Variants in SFMBT2 observed in about 807,000 individuals in gnomAD.
SFMBT2 encodes Scm like with four mbt domains 2, also known as scm-like with four MBT domains protein 2.
Under a neutral mutation model 110.1 loss-of-function variants are expected in SFMBT2, and 38 were observed. The ratio of observed to expected loss-of-function variants is 0.35; its 90% CI spans 0.27 to 0.45. SFMBT2 has a LOEUF of 0.45. SFMBT2 is among the 20% of genes least tolerant of loss of function. The probability of loss-of-function intolerance (pLI) is 1.00; values close to 1 mark genes in which losing one functional copy is unlikely to be tolerated. For missense variants in SFMBT2, 1,011 were observed against 1,094.9 expected (o/e 0.92, Z 1.08); for synonymous variants, 425 against 425.4 (o/e 1.00, Z 0.01).
intron 11 of SFMBT2, chr10:7,207,064 A>T: frequency 4.1e-6 from 1 of 241,870 alleles, no homozygotes; most frequent in Non-Finnish European, 6.7e-6. Flanking sequence ...CATCTCTACA[A>T]AAAATACAAA....
At chr10:7,393,188 A>C (rs1845829406) in intron 1 of SFMBT2, among the ~76,000 whole-genome samples, 6 of 151,236 alleles carry the variant, frequency 4.0e-5, no homozygotes, top group Admixed American at 4.0e-4. Flanking sequence ...ATGTAACCAC[A>C]CCTGGCTAAT....
chr10:7,396,896 G>A (rs1271571972), intron 1 of SFMBT2, among the ~76,000 whole-genome samples: 11 of 139,208 alleles, frequency 7.9e-5, no homozygotes, highest in South Asian at 2.5e-4. Context: ...GGGGCCTGTC[G>A]TGGGGTGGGG....
At chr10:7,259,129 C>T (rs149280928) in intron 7 of SFMBT2, among the ~76,000 whole-genome samples, 10 of 152,300 alleles carry the variant, frequency 6.6e-5, no homozygotes, top group East Asian at 5.8e-4. Flanking sequence ...GGAAACATGA[C>T]GCCAGCATGC....
At chr10:7,274,873 G>T (rs1841719215) in intron 7 of SFMBT2, among the ~76,000 whole-genome samples, 1 of 151,832 alleles carries the variant, frequency 6.6e-6, no homozygotes, top group Non-Finnish European at 1.5e-5. Flanking sequence ...AAAAAAATTA[G>T]CTCACGACTT....
chr10:7,309,894 AAGCCCAGAGATGGCTCCAG>A (rs1300975162), intron 4 of SFMBT2, among the ~76,000 whole-genome samples: 2 of 152,206 alleles, frequency 1.3e-5, no homozygotes, highest in Non-Finnish European at 2.9e-5. Context: ...TGCCCTTAGT[AAGCCCAGAGATGGCTCCAG>A]TCTAGACCAG....
In SFMBT2 at chr10:7,408,569, C is replaced by T. The variant is rs948764849; in HGVS notation, c.-52+2292G>A. 6.6e-6 allele frequency among the ~76,000 whole-genome samples: 1 copy of T among 152,134 alleles called. No homozygotes were observed. The highest frequency in any genetic ancestry group is 1.5e-5 in the Non-Finnish European group (1 of 67,984). On this transcript the variant is annotated intron_variant, in intron 1 of 20. Coordinates refer to ENST00000397167, the MANE Select transcript of SFMBT2 (RefSeq NM_001387889.1). This position sits in a 1 kb window ranked among gnomAD's most constrained non-coding sequence, Gnocchi z 5.7. ...GGTCCTCCCACCTGCCCCCGCCAGC[C>T]CCGGGGACCGTGCGCGGCCTCCGTG...
At chr10:7,331,207 C>G (rs772480275) in intron 4 of SFMBT2, among the ~76,000 whole-genome samples, 7 of 152,194 alleles carry the variant, frequency 4.6e-5, no homozygotes, top group Non-Finnish European at 8.8e-5. Flanking sequence ...TCAGAATTCC[C>G]CCATAGGCTA....
intron 4 of SFMBT2, among the ~76,000 whole-genome samples, chr10:7,300,559 C>T (rs767299951): frequency 2.6e-5 from 4 of 152,204 alleles, no homozygotes; most frequent in Non-Finnish European, 5.9e-5. Context: ...CAACCCCTGC[C>T]CACCCAGCCC....
rs925906170 is a variant in SFMBT2, at chr10:7,301,606, C to T, written c.437-15652G>A. Among the ~76,000 whole-genome samples, 4 of 152,168 alleles carry T rather than the reference C, an allele frequency of 2.6e-5. No individual in the cohort carries two copies. Among genetic ancestry groups the T allele is most frequent in the Admixed American group, 1.3e-4 (2 of 15,284 alleles). On this transcript the variant is annotated intron_variant, in intron 4 of 20. Transcript: ENST00000397167. The surrounding 1 kb of genome is among the most constrained non-coding windows in gnomAD (Gnocchi z 4.2). Reference sequence around the variant, plus strand: ...GCGGAACACCAGCCAGGGGCATCTCCGCTGCCTCCACAGGACAAACCAGAG... The same window carrying T: ...GCGGAACACCAGCCAGGGGCATCTCTGCTGCCTCCACAGGACAAACCAGAG...
chr10:7,395,909 G>C (rs1419252143), intron 1 of SFMBT2, among the ~76,000 whole-genome samples: 3 of 152,140 alleles, frequency 2.0e-5, no homozygotes, highest in African/African-American at 7.2e-5. Context: ...GTAATTCGTA[G>C]ATGTTTGCTG....
At chr10:7,185,746 T>C (rs777806262) in intron 16 of SFMBT2, among the ~76,000 whole-genome samples, 2 of 152,174 alleles carry the variant, frequency 1.3e-5, no homozygotes, top group Non-Finnish European at 2.9e-5. Flanking sequence ...GTTAAGACAG[T>C]CTTTTTATTT....
At chr10:7,208,364 T>C (rs1344748753) in intron 11 of SFMBT2, among the ~76,000 whole-genome samples, 1 of 152,202 alleles carries the variant, frequency 6.6e-6, no homozygotes, top group African/African-American at 2.4e-5. Flanking sequence ...CTTTCCAGAT[T>C]TACATTTAGC....
At chr10:7,308,307 C>T (rs1203298346) in intron 4 of SFMBT2, among the ~76,000 whole-genome samples, 1 of 152,088 alleles carries the variant, frequency 6.6e-6, no homozygotes. Context: ...CTGCAATGAG[C>T]TATAATTGCA....
intron 14 of SFMBT2, among the ~76,000 whole-genome samples, chr10:7,198,914 G>A (rs72773855): frequency 0.2 from 30,640 of 151,932 alleles, 3,306 homozygotes; most frequent in Non-Finnish European, 0.23. Flanking sequence ...GGTAGCATGC[G>A]CCTGTAATCA....
intron 4 of SFMBT2, among the ~76,000 whole-genome samples, chr10:7,312,857 C>T (rs547519071): frequency 1.1e-4 from 17 of 152,268 alleles, no homozygotes; most frequent in African/African-American, 3.9e-4. Flanking sequence ...ACAATATAAC[C>T]TAATTCCAGA....
At chr10:7,310,984 T>G (rs1006804496) in intron 4 of SFMBT2, among the ~76,000 whole-genome samples, 3 of 146,480 alleles carry the variant, frequency 2.0e-5, no homozygotes, top group Non-Finnish European at 4.5e-5. Flanking sequence ...GAGGCAGAGG[T>G]TGCAGTGAGC....
chr10:7,320,677 T>C (rs1843158752), intron 4 of SFMBT2: 2 of 917,730 alleles, frequency 2.2e-6, no homozygotes, highest in South Asian at 5.0e-5. Flanking sequence ...ATTTTTCAGA[T>C]GAAGAAAGTA....
chr10:7,277,751 C>T (rs1014300357), intron 6 of SFMBT2, among the ~76,000 whole-genome samples: 1 of 152,172 alleles, frequency 6.6e-6, no homozygotes, highest in African/African-American at 2.4e-5. Flanking sequence ...TTGCAGAAGC[C>T]CTCACTGGAA....
chr10:7,207,385 A>AAAGGAAGGAAGGAAGG (rs1839175425), intron 11 of SFMBT2, among the ~76,000 whole-genome samples: 1 of 147,064 alleles, frequency 6.8e-6, no homozygotes, highest in African/African-American at 2.5e-5. Flanking sequence ...AGGAAGGAAG[A>AAAGGAAGGAAGGAAGG]AAGAAAGAAA....
Sources: allele counts gnomAD v4.1 joint callset (sites outside exome capture counted in the v4.1 genomes callset), GRCh38; gene constraint gnomAD v4.1.1; non-coding constraint Gnocchi (gnomAD v3.1); transcripts MANE v1.5; gene names NCBI Gene and HGNC (gene_info 2026-07-23, HGNC 2026-07-21).